The following ELMO2 variants were observed in gnomAD, a reference collection of about 807,000 sequenced individuals.
ELMO2 encodes the protein engulfment and cell motility protein 2.
ELMO2 carries 37 observed loss-of-function variants against 96.2 expected under a neutral mutation model. That is an observed-to-expected ratio of 0.38 (90% CI 0.30 to 0.51). ELMO2 has a LOEUF of 0.51. ELMO2 is among the 20% of genes least tolerant of loss of function. The pLI, the probability that ELMO2 is intolerant of heterozygous loss-of-function variation, is 0.88. For synonymous variants in ELMO2, 315 were observed against 329.4 expected (o/e 0.96, Z 0.47); for missense variants, 561 against 912.6 (o/e 0.61, Z 4.96).
At chr20:46,368,790 G>A in intron 21 of ELMO2, 101 bp downstream of exon 21, 1 of 1,259,302 alleles carries the variant, frequency 7.9e-7, no homozygotes, top group Non-Finnish European at 1.1e-6. Flanking sequence ...ATACACTGCA[G>A]CCACCCACCA....
intron 1 of ELMO2, among the ~76,000 whole-genome samples, chr20:46,405,997 G>A (rs1233880664): frequency 2.6e-5 from 4 of 152,348 alleles, no homozygotes; most frequent in African/African-American, 7.2e-5. Context: ...AACTGCCCAG[G>A]CAGGAAGCGA....
At position 46,375,429 on chromosome 20, in the gene ELMO2, G is replaced by T; in HGVS notation, c.931-59C>A. On this transcript the variant is annotated intron_variant, in intron 12 of 21. Transcript: ENST00000290246. This position sits in a 1 kb window ranked among gnomAD's most constrained non-coding sequence, Gnocchi z 4.6. ...CGGCTAACCAAGGGAGCAAGGAAAA[G>T]AAACAGTGGGTCAGGCTTTTCTGGG... is the stretch of plus-strand genomic sequence containing the variant. 1 of 1,596,150 alleles carries T rather than the reference G, an allele frequency of 6.3e-7. No individual in the cohort carries two copies. The highest frequency in any genetic ancestry group is 8.6e-7 in the Non-Finnish European group (1 of 1,168,956).
intron 3 of ELMO2, 122 bp from the exon 4 acceptor site, chr20:46,394,211 C>G (rs1183517086): frequency 1.4e-5 from 16 of 1,155,504 alleles, no homozygotes; most frequent in Admixed American, 1.9e-5. Flanking sequence ...TTCCTAACAG[C>G]TTTTGTTGAA....
intron 11 of ELMO2, among the ~76,000 whole-genome samples, chr20:46,378,661 G>A (rs1330160013): frequency 2.6e-5 from 4 of 152,206 alleles, no homozygotes; most frequent in Non-Finnish European, 5.9e-5. Flanking sequence ...CTGCATTTTA[G>A]AGCAGCTGAC....
Position 46,371,527 on chromosome 20 carries a change from G to A in ELMO2, c.1693+52C>T. 6.2e-7 allele frequency: 1 copy of A among 1,605,720 alleles called. No individual in the cohort carries two copies. The highest frequency in any genetic ancestry group is 8.5e-7 in the Non-Finnish European group (1 of 1,173,888). ...TGGGAAAGGCCTGGGCACAAAAGGG[G>A]CCATCCAGGCAGGCTCTTCCCGGCA... On this transcript the variant is annotated intron_variant, in intron 18 of 21. Coordinates refer to ENST00000290246, the MANE Select transcript of ELMO2 (RefSeq NM_133171.5). This position sits in a 1 kb window ranked among gnomAD's most constrained non-coding sequence, Gnocchi z 5.9.
At chr20:46,398,857 A>T (rs994151381) in intron 1 of ELMO2, 86 bp from the exon 2 acceptor site, 1 of 152,248 alleles carries the variant, frequency 6.6e-6, no homozygotes, top group Non-Finnish European at 1.5e-5. Context: ...CTGGGTCTCA[A>T]GCCTAGGTCT....
chr20:46,371,773 TCCC>T lies in ELMO2; in HGVS notation c.1580+30_1580+32del. 1 of 1,613,528 alleles carries T rather than the reference TCCC, an allele frequency of 6.2e-7. No homozygotes were observed. The highest frequency in any genetic ancestry group is 8.5e-7 in the Non-Finnish European group (1 of 1,179,664). On this transcript the variant is annotated intron_variant, in intron 17 of 21. Coordinates refer to ENST00000290246, the MANE Select transcript of ELMO2 (RefSeq NM_133171.5). The surrounding 1 kb of genome is among the most constrained non-coding windows in gnomAD (Gnocchi z 5.9). Reference sequence around the variant, plus strand: ...AAGGAAAGCAGAGCTGGCAGCCACCTCCCCCGCCAGCCTCCCCTGAGATGGAAC... The same window carrying T: ...AAGGAAAGCAGAGCTGGCAGCCACCTCCGCCAGCCTCCCCTGAGATGGAAC...
At chr20:46,389,676 T>C (rs751949422) in intron 6 of ELMO2, among the ~76,000 whole-genome samples, 8 of 151,988 alleles carry the variant, frequency 5.3e-5, no homozygotes, top group Non-Finnish European at 1.2e-4. Context: ...AGTGACACCC[T>C]GACTCCCAAA....
chr20:46,386,274 A>G lies in ELMO2; in HGVS notation c.527T>C (p.Ile176Thr). ...DMVSITFIKQ[I>T]AGYVSQPMVD... is the part of the protein sequence containing the mutation. ...CATGGGCTGGCTCACATACCCTGCAATCTAGACCCAGAGATGGCACATCAA... is the reference window on the plus strand; with the variant it reads ...CATGGGCTGGCTCACATACCCTGCAGTCTAGACCCAGAGATGGCACATCAA... The change falls in exon 9 of 22, where the codon ATT becomes ACT. Residue 176 changes from isoleucine (I) to threonine (T), a missense_variant and splice_region_variant. Ile to Thr is a moderately conservative substitution (Grantham distance 89, BLOSUM62 -1). Transcript: ENST00000290246. The G allele has an allele frequency of 6.2e-7, 1 of 1,613,812 alleles. No homozygotes were observed. The highest frequency in any genetic ancestry group is 8.5e-7 in the Non-Finnish European group (1 of 1,179,870).
At chr20:46,374,193 C>A in intron 15 of ELMO2, 139 bp downstream of exon 15, 1 of 540,332 alleles carries the variant, frequency 1.9e-6, no homozygotes, top group Admixed American at 2.6e-5. Context: ...CCTCCTGCCT[C>A]AGTCTCCCAA....
chr20:46,405,435 C>T (rs1166520013), intron 1 of ELMO2, among the ~76,000 whole-genome samples: 2 of 152,280 alleles, frequency 1.3e-5, no homozygotes, highest in Admixed American at 6.5e-5. Flanking sequence ...CAGAAAGAGG[C>T]CAGTGTGTGG....
chr20:46,387,017 A>G (rs929278436), intron 8 of ELMO2, among the ~76,000 whole-genome samples: 29 of 152,158 alleles, frequency 1.9e-4, no homozygotes, highest in African/African-American at 5.6e-4. Context: ...AAGAAGAGAG[A>G]GCTCAGGAAG....
At chr20:46,372,969 A>T (rs1486438687) in intron 16 of ELMO2, 1 of 159,334 alleles carries the variant, frequency 6.3e-6, no homozygotes, top group Non-Finnish European at 1.4e-5. Context: ...GCATAGAGTG[A>T]GGACTGAAAG....
At chr20:46,393,254 G>C in intron 5 of ELMO2, 111 bp from the exon 6 acceptor site, 1 of 1,116,992 alleles carries the variant, frequency 9.0e-7, no homozygotes, top group Non-Finnish European at 1.3e-6. Flanking sequence ...ATGTAACTGA[G>C]GATCTTCAGT....
intron 1 of ELMO2, among the ~76,000 whole-genome samples, chr20:46,403,828 A>T (rs2060375763): frequency 6.6e-6 from 1 of 152,214 alleles, no homozygotes; most frequent in African/African-American, 2.4e-5. Flanking sequence ...TCACGCCTGT[A>T]ATCTCAGAAC....
At chr20:46,374,722 C>A in intron 13 of ELMO2, 82 bp from the exon 14 acceptor site, 1 of 1,196,906 alleles carries the variant, frequency 8.4e-7, no homozygotes, top group African/African-American at 1.5e-5. Flanking sequence ...CTCGCCTCTC[C>A]TCTTGATGCT....
Position 46,380,253 on chromosome 20 carries a change from A to G in ELMO2, c.807T>C (p.Asn269=), listed in dbSNP as rs145064999. The change falls in exon 11 of 22, where the codon AAT becomes AAC. Residue 269 remains asparagine (N), a splice_region_variant and synonymous_variant. Coordinates refer to ENST00000290246, the MANE Select transcript of ELMO2 (RefSeq NM_133171.5). ...AQKHLRSIIL[N]HVIRGNRPIK... is the part of the protein sequence containing the mutation. ...AATACAGCATGTTCCAGGAACTCAC[A>G]TTCAGGATTATAGACCGGAGATGCT... The G allele has an allele frequency of 2.8e-5, 45 of 1,612,190 alleles. No homozygotes were observed. The highest frequency in any genetic ancestry group is 3.4e-5 in the Non-Finnish European group (40 of 1,178,592).
At position 46,367,787 on chromosome 20, in the gene ELMO2, T is replaced by C. The variant is rs974783123; in HGVS notation, c.1963-227A>G. Among the ~76,000 whole-genome samples, 4 of 152,154 alleles carry C rather than the reference T, an allele frequency of 2.6e-5. No homozygotes were observed. In the East Asian group the frequency reaches 7.7e-4, roughly 29 times the overall value. On this transcript the variant is annotated intron_variant, in intron 21 of 21. Transcript: ENST00000290246. ...TATATTACAACTCCTTACAATAATA[T>C]GAAGGAGAACCTAAAAATGCAATAA... is the stretch of plus-strand genomic sequence containing the variant.
chr20:46,372,448 T>A (rs1315448567), intron 16 of ELMO2, among the ~76,000 whole-genome samples: 1 of 152,150 alleles, frequency 6.6e-6, no homozygotes, highest in Non-Finnish European at 1.5e-5. Flanking sequence ...CTGGCCAACA[T>A]GGTGAAACCC....
Sources: gnomAD v4.1 joint callset for allele counts (sites outside exome capture counted in the v4.1 genomes callset) on GRCh38, gnomAD v4.1.1 for gene constraint, Gnocchi (gnomAD v3.1) non-coding constraint, MANE v1.5 for transcripts, NCBI Gene and HGNC (gene_info 2026-07-23, HGNC 2026-07-21) for gene names.